The following PLEKHG7 variants were observed in gnomAD, a reference collection of about 807,000 sequenced individuals.
The protein encoded by PLEKHG7 is pleckstrin homology and RhoGEF domain containing G7, also known as pleckstrin homology domain-containing family G member 7.
PLEKHG7 carries 77 observed loss-of-function variants against 85.2 expected under a neutral mutation model. That is an observed-to-expected ratio of 0.90 (90% CI 0.75 to 1.09). The LOEUF (loss-of-function observed/expected upper bound fraction) is 1.09, where lower values mean the gene tolerates loss of function less well. Ranked by LOEUF, PLEKHG7 falls within the 50% of genes least tolerant of loss-of-function variation. The pLI is 0.00. For synonymous variants in PLEKHG7, 301 were observed against 302.4 expected (o/e 1.00, Z 0.05); for missense variants, 777 against 804.3 (o/e 0.97, Z 0.41).
intron 4 of PLEKHG7, among the ~76,000 whole-genome samples, chr12:92,729,641 A>T (rs1222550957): frequency 1.4e-4 from 21 of 152,098 alleles, no homozygotes; most frequent in Admixed American, 1.4e-3. Context: ...ATAAAAGAAC[A>T]ATTAGGGTCT....
At chr12:92,768,818 T>C (rs1253537238) in intron 15 of PLEKHG7, among the ~76,000 whole-genome samples, 165 bp from the exon 16 acceptor site, 2 of 151,976 alleles carry the variant, frequency 1.3e-5, no homozygotes, top group African/African-American at 4.8e-5. Context: ...GGTCTTGGCA[T>C]TGAAATAAAA....
intron 14 of PLEKHG7, 133 bp from the exon 15 acceptor site, chr12:92,763,908 A>G: frequency 1.7e-6 from 1 of 601,342 alleles, no homozygotes; most frequent in Non-Finnish European, 2.6e-6. Context: ...ATCCAGAAAG[A>G]GTAGTAAGAT....
At position 92,706,776 on chromosome 12, in the gene PLEKHG7, C is replaced by A; in HGVS notation, c.145C>A (p.Pro49Thr). 1 of 1,613,924 alleles carries A rather than the reference C, an allele frequency of 6.2e-7. No individual in the cohort carries two copies. Among genetic ancestry groups the A allele is most frequent in the Non-Finnish European group, 8.5e-7 (1 of 1,179,982 alleles). ...AGCCCCAGGCCGCATCTCCACCTCG[C>A]CCACTTTGAGGAGATTAAGGACCCG... Reference protein sequence around the residue: ...RQAPGRISTSPTLRRLRTRGC... With the variant: ...RQAPGRISTSTTLRRLRTRGC... The change falls in exon 2 of 17, where the codon CCC (proline) becomes ACC (threonine). Residue 49 changes from proline to threonine, a missense_variant. By Grantham distance (38) the Pro-to-Thr change is conservative. This residue lies in a region of PLEKHG7 where 252 missense variants were observed against 241.9 expected (regional missense o/e 1.04). Transcript: ENST00000344636.
At chr12:92,737,749 G>GAGGAAGGA (rs777765567) in intron 7 of PLEKHG7, among the ~76,000 whole-genome samples, 2 of 125,934 alleles carry the variant, frequency 1.6e-5, no homozygotes, top group Admixed American at 8.1e-5. Flanking sequence ...GGGAGGGAGG[G>GAGGAAGGA]AGGAAGGAAG....
intron 3 of PLEKHG7, chr12:92,708,577 G>T (rs1442444997): frequency 6.6e-6 from 1 of 152,200 alleles, no homozygotes; most frequent in Non-Finnish European, 1.5e-5. Context: ...ATAAATCTCT[G>T]TGTTCCCTGG....
At chr12:92,761,961 G>A (rs1239157790) in intron 14 of PLEKHG7, 130 bp downstream of exon 14, 3 of 1,192,726 alleles carry the variant, frequency 2.5e-6, no homozygotes, top group Non-Finnish European at 3.2e-6. Flanking sequence ...AAAAATGAAG[G>A]CATTATAAAC....
intron 11 of PLEKHG7, 58 bp downstream of exon 11, chr12:92,754,322 A>G: frequency 6.5e-7 from 1 of 1,536,674 alleles, no homozygotes; most frequent in East Asian, 2.3e-5. Context: ...GACTCCTGGA[A>G]ACCTTCTGGG....
At chr12:92,747,861 G>T (rs1872579723) in intron 10 of PLEKHG7, among the ~76,000 whole-genome samples, 1 of 152,180 alleles carries the variant, frequency 6.6e-6, no homozygotes, top group African/African-American at 2.4e-5. Context: ...CATGGAGATA[G>T]AGAGTAGGAT....
intron 5 of PLEKHG7, among the ~76,000 whole-genome samples, chr12:92,734,961 A>G (rs539055442): frequency 3.5e-4 from 54 of 152,320 alleles, no homozygotes; most frequent in African/African-American, 1.2e-3. Context: ...GCAAGAAGGT[A>G]CTAAATGGGT....
intron 4 of PLEKHG7, among the ~76,000 whole-genome samples, chr12:92,730,182 T>C (rs1284329092): frequency 6.6e-6 from 1 of 152,208 alleles, no homozygotes; most frequent in Non-Finnish European, 1.5e-5. Context: ...ACAGAGCCTT[T>C]CACATCTACT....
chr12:92,708,750 G>A (rs945685652), intron 3 of PLEKHG7, among the ~76,000 whole-genome samples: 1 of 152,164 alleles, frequency 6.6e-6, no homozygotes, highest in Non-Finnish European at 1.5e-5. Flanking sequence ...AACATGCAAG[G>A]CCTCTTGGAG....
intron 9 of PLEKHG7, among the ~76,000 whole-genome samples, chr12:92,744,056 C>T (rs758229364): frequency 5.9e-5 from 9 of 152,188 alleles, no homozygotes; most frequent in Non-Finnish European, 1.2e-4. Flanking sequence ...CTTGACATTG[C>T]TCCCTATAGT....
chr12:92,767,608 A>T (rs1048318053), intron 15 of PLEKHG7, among the ~76,000 whole-genome samples: 3 of 152,100 alleles, frequency 2.0e-5, no homozygotes, highest in Non-Finnish European at 2.9e-5. Flanking sequence ...TTTTTGTAGT[A>T]GAATTTGGGA....
At chr12:92,762,002 G>T (rs904951690) in intron 14 of PLEKHG7, among the ~76,000 whole-genome samples, 171 bp downstream of exon 14, 3 of 151,726 alleles carry the variant, frequency 2.0e-5, no homozygotes, top group African/African-American at 7.3e-5. Context: ...AAGCTCTGAA[G>T]TAAATAAATA....
chr12:92,741,540 T>A lies in PLEKHG7; in HGVS notation c.1085T>A (p.Val362Glu), dbSNP rs199769843. ...NSLFGIIKDYVDASEISSSLD... is the reference protein window; with the variant it reads ...NSLFGIIKDYEDASEISSSLD... ...CTCTTTGGCATCATCAAGGACTATG[T>A]AGACGCTTCTGAGATTTCCTCATCA... The change falls in exon 9 of 17, where the codon GTA (valine) becomes GAA (glutamate). Residue 362 changes from valine (V) to glutamate (E), a missense_variant. Physicochemically the swap from Val to Glu is moderately radical, Grantham distance 121. Transcript: ENST00000344636. The A allele has an allele frequency of 7.4e-6, 12 of 1,613,624 alleles. No individual in the cohort carries two copies. In the South Asian group the frequency reaches 1.3e-4, roughly 18 times the overall value.
At chr12:92,758,810 CAG>C in intron 13 of PLEKHG7, among the ~76,000 whole-genome samples, 1 of 152,266 alleles carries the variant, frequency 6.6e-6, no homozygotes, top group South Asian at 2.1e-4. Context: ...AGACTGGACT[CAG>C]AGTTGAGCAT....
intron 4 of PLEKHG7, 141 bp from the exon 5 acceptor site, chr12:92,732,092 A>C (rs1205586344): frequency 2.3e-6 from 1 of 437,166 alleles, no homozygotes; most frequent in Non-Finnish European, 3.8e-6. Context: ...CATTTTGTGC[A>C]TTCTCAAGAG....
intron 2 of PLEKHG7, 42 bp from the exon 3 acceptor site, chr12:92,707,608 T>C (rs1871273958): frequency 6.2e-7 from 1 of 1,603,436 alleles, no homozygotes; most frequent in East Asian, 2.2e-5. Context: ...TTGGGATGGG[T>C]TTGAGCAAGA....
chr12:92,742,732 T>C (rs1036297278), intron 9 of PLEKHG7, among the ~76,000 whole-genome samples: 1 of 151,970 alleles, frequency 6.6e-6, no homozygotes, highest in Non-Finnish European at 1.5e-5. Flanking sequence ...ATTAAAAGCA[T>C]GCACCACCAC....
Sources: gnomAD v4.1 joint callset for allele counts (sites outside exome capture counted in the v4.1 genomes callset) on GRCh38, gnomAD v4.1.1 for gene constraint, gnomAD v4.1.1 regional missense constraint, MANE v1.5 for transcripts, NCBI Gene and HGNC (gene_info 2026-07-23, HGNC 2026-07-21) for gene names.